CFAP418: variants seen among roughly 807,000 people sequenced by gnomAD.
CFAP418 encodes cilia- and flagella-associated protein 418.
A neutral mutation model predicts 24.7 loss-of-function variants in CFAP418; 27 were observed. That is an observed-to-expected ratio of 1.09 (90% CI 0.81 to 1.51). The LOEUF (loss-of-function observed/expected upper bound fraction) is 1.51, where lower values mean the gene tolerates loss of function less well. Among genes scored for constraint, CFAP418 ranks in the 40% most tolerant of loss-of-function variants. The pLI is 0.00. For synonymous variants in CFAP418, 74 were observed against 87.3 expected (o/e 0.85, Z 0.85); for missense variants, 257 against 255.2 (o/e 1.01, Z -0.05).
At position 95,245,247 on chromosome 8, in the gene CFAP418, A is replaced by T. The variant is rs1225069117; in HGVS notation, c.*2370T>A. The T allele has an allele frequency of 6.6e-6, 1 of 152,186 alleles. No homozygotes were observed. The highest frequency in any genetic ancestry group is 1.5e-5 in the Non-Finnish European group (1 of 68,030). 9.4% of individuals were successfully genotyped at this position (152,186 alleles called of 1,614,324 possible). Reference sequence around the variant, plus strand: ...AACAGTTAATAATTTATCTGACTGTATATAAACATAATATTCTTTCTACAT... The same window carrying T: ...AACAGTTAATAATTTATCTGACTGTTTATAAACATAATATTCTTTCTACAT... On this transcript the variant is annotated 3_prime_UTR_variant, in exon 6 of 6. Transcript: ENST00000286688.
intron 5 of CFAP418, among the ~76,000 whole-genome samples, chr8:95,250,684 T>C (rs1811692232): frequency 6.6e-6 from 1 of 152,146 alleles, no homozygotes; most frequent in East Asian, 1.9e-4. Context: ...GGGTAAAAAG[T>C]GGGCTAAGCC....
rs746662845 is a variant in CFAP418 at position 95,269,107 on chromosome 8, T to G, written c.83A>C (p.Glu28Ala). 4 of 1,614,220 alleles carry G rather than the reference T, an allele frequency of 2.5e-6. No individual in the cohort carries two copies. Among genetic ancestry groups the G allele is most frequent in the Non-Finnish European group, 3.4e-6 (4 of 1,180,036 alleles). ...GCCGCCGCCGCAGCCTTTGGGCTGCTCGACCATACCCCGTCTTAGAAGGTC... is the reference window on the plus strand; with the variant it reads ...GCCGCCGCCGCAGCCTTTGGGCTGCGCGACCATACCCCGTCTTAGAAGGTC... ...TPDLLRRGMV[E>A]QPKGCGGGTH... Residue 28 changes from glutamate (E) to alanine (A), a missense_variant, in exon 1 of 6, where the codon GAG (glutamate) becomes GCG (alanine). Glu to Ala is a moderately radical substitution (Grantham distance 107). Transcript: ENST00000286688.
In CFAP418 at chr8:95,260,475, C is replaced by T. The variant is rs1415969854; in HGVS notation, c.301G>A (p.Gly101Ser). The T allele has an allele frequency of 2.5e-6, 4 of 1,586,884 alleles. No homozygotes were observed. In the African/African-American group the frequency reaches 4.1e-5, roughly 16 times the overall value. The change falls in exon 3 of 6, where the codon GGT (glycine) becomes AGT (serine). Residue 101 changes from glycine to serine, a missense_variant. Gly to Ser is a moderately conservative substitution (Grantham distance 56). Transcript: ENST00000286688. ...TSVRASIEGL[G>S]KSCSPVYLGG... ...AAAGCAATCTCAACTTACCTTTTACCAAGGCCTTCAATGGAAGCTCTGACA... is the reference window on the plus strand; with the variant it reads ...AAAGCAATCTCAACTTACCTTTTACTAAGGCCTTCAATGGAAGCTCTGACA...
chr8:95,260,909 TCA>T (rs1450132897), intron 2 of CFAP418, among the ~76,000 whole-genome samples: 1 of 152,172 alleles, frequency 6.6e-6, no homozygotes, highest in African/African-American at 2.4e-5. Flanking sequence ...GAAAAAAACC[TCA>T]GACTCATTTT....
chr8:95,268,867 T>A, intron 1 of CFAP418, 168 bp downstream of exon 1: 1 of 694,276 alleles, frequency 1.4e-6, no homozygotes, highest in Non-Finnish European at 2.4e-6. Context: ...GCGAAGAGGG[T>A]CGACGAATGC....
At chr8:95,264,258 T>C (rs932733572) in intron 1 of CFAP418, among the ~76,000 whole-genome samples, 1 of 152,176 alleles carries the variant, frequency 6.6e-6, no homozygotes, top group Non-Finnish European at 1.5e-5. Context: ...AAAGGTGCTA[T>C]TTGTTAGACA....
At chr8:95,266,992 T>TA (rs1475641246) in intron 1 of CFAP418, among the ~76,000 whole-genome samples, 3 of 152,200 alleles carry the variant, frequency 2.0e-5, no homozygotes, top group African/African-American at 7.2e-5. Context: ...AGCTCCTTGA[T>TA]AGACTAGTTC....
chr8:95,259,512 A>G (rs1323131430), intron 4 of CFAP418, among the ~76,000 whole-genome samples: 2 of 152,194 alleles, frequency 1.3e-5, no homozygotes, highest in Non-Finnish European at 2.9e-5. Flanking sequence ...TGGGTAAGGC[A>G]TCATGTATCT....
chr8:95,248,920 C>A (rs1003519308), intron 5 of CFAP418, among the ~76,000 whole-genome samples: 2 of 151,968 alleles, frequency 1.3e-5, no homozygotes, highest in East Asian at 1.9e-4. Flanking sequence ...TTAAACTGTA[C>A]GAAATTCAGG....
chr8:95,252,889 G>C (rs924683772), intron 4 of CFAP418, among the ~76,000 whole-genome samples: 3 of 152,160 alleles, frequency 2.0e-5, no homozygotes, highest in African/African-American at 7.2e-5. Context: ...ATGATAACTA[G>C]ACTATATACT....
intron 4 of CFAP418, among the ~76,000 whole-genome samples, chr8:95,255,937 A>T (rs1221164291): frequency 1.3e-5 from 2 of 152,372 alleles, no homozygotes; most frequent in South Asian, 4.1e-4. Flanking sequence ...CTAATAAAAA[A>T]TCTGTGAATA....
intron 1 of CFAP418, among the ~76,000 whole-genome samples, chr8:95,267,417 C>T (rs981686357): frequency 6.6e-6 from 1 of 152,040 alleles, no homozygotes; most frequent in Non-Finnish European, 1.5e-5. Flanking sequence ...CTGGCTAACA[C>T]GGTGAAACCC....
chr8:95,263,818 G>A, intron 1 of CFAP418, 44 bp from the exon 2 acceptor site: 1 of 1,148,956 alleles, frequency 8.7e-7, no homozygotes, highest in Non-Finnish European at 1.3e-6. Flanking sequence ...TGAGGTTTAT[G>A]AGCAGAGAAA....
chr8:95,262,341 A>T (rs1811907301), intron 2 of CFAP418, among the ~76,000 whole-genome samples: 1 of 152,162 alleles, frequency 6.6e-6, no homozygotes, highest in South Asian at 2.1e-4. Flanking sequence ...AATTTTCTAA[A>T]ATCTATACTA....
chr8:95,247,644 CTGA>C lies in CFAP418; in HGVS notation c.594_596del (p.His198del). 1 of 1,614,218 alleles carries C rather than the reference CTGA, an allele frequency of 6.2e-7. No individual in the cohort carries two copies. The highest frequency in any genetic ancestry group is 8.5e-7 in the Non-Finnish European group (1 of 1,180,034). On this transcript the variant is annotated inframe_deletion, in exon 6 of 6. Coordinates refer to ENST00000286688, the MANE Select transcript of CFAP418 (RefSeq NM_177965.4). Reference sequence around the variant, plus strand: ...AATGTTTACCACAAACCCAGCGAAGCTGATGATCTGTCTGAAGGTCAGTCACTT... The same window carrying C: ...AATGTTTACCACAAACCCAGCGAAGCTGATCTGTCTGAAGGTCAGTCACTT...
intron 4 of CFAP418, among the ~76,000 whole-genome samples, chr8:95,258,480 C>T (rs937423308): frequency 1.6e-4 from 24 of 149,246 alleles, no homozygotes; most frequent in Admixed American, 1.1e-3. Context: ...TATAGCTGTA[C>T]GATGTATTTT....
chr8:95,250,929 A>G lies in CFAP418; in HGVS notation c.470+1259T>C, dbSNP rs566147937. Among the ~76,000 whole-genome samples the G allele has an allele frequency of 2.6e-5, 4 of 152,360 alleles. 1 individual carries two copies. The East Asian group carries it at 7.7e-4, about 29-fold the overall frequency. On this transcript the variant is annotated intron_variant, in intron 5 of 5. Coordinates refer to ENST00000286688, the MANE Select transcript of CFAP418 (RefSeq NM_177965.4). ...AGATTTACCCAAGAATGGCTGCCAA[A>G]AAAGGCGTAGGGGAAAGTCTCTTAC...
chr8:95,263,936 A>T (rs551400585), intron 1 of CFAP418, among the ~76,000 whole-genome samples, 162 bp from the exon 2 acceptor site: 1 of 152,164 alleles, frequency 6.6e-6, no homozygotes, highest in Non-Finnish European at 1.5e-5. Flanking sequence ...GTTTGTTGAG[A>T]CAAAGATATA....
intron 1 of CFAP418, among the ~76,000 whole-genome samples, chr8:95,265,132 T>C (rs1013771143): frequency 4.6e-5 from 7 of 152,156 alleles, no homozygotes; most frequent in African/African-American, 1.4e-4. Context: ...GGGGTGTGTA[T>C]GTGGGGGCAG....
Sources: gnomAD v4.1 joint callset for allele counts (sites outside exome capture counted in the v4.1 genomes callset) on GRCh38, gnomAD v4.1.1 for gene constraint, MANE v1.5 for transcripts, NCBI Gene and HGNC (gene_info 2026-07-23, HGNC 2026-07-21) for gene names.